Variants in ATM observed in about 807,000 individuals in gnomAD.
The protein encoded by ATM is ATM serine/threonine kinase, also known as serine-protein kinase ATM.
In ATM, 308 loss-of-function variants were observed where a neutral mutation model predicts 387.0. The ratio of observed to expected loss-of-function variants is 0.80; its 90% confidence interval spans 0.73 to 0.87. The LOEUF (loss-of-function observed/expected upper bound fraction) is 0.87, where lower values mean the gene tolerates loss of function less well. Ranked by LOEUF, ATM falls within the 40% of genes least tolerant of loss-of-function variation. The pLI is 0.00. For synonymous variants in ATM, 1,156 were observed against 1,187.3 expected (o/e 0.97, Z 0.54); for missense variants, 3,312 against 3,560.9 (o/e 0.93, Z 1.78).
chr11:108,317,976 A>G (rs1191533612), intron 43 of ATM, among the ~76,000 whole-genome samples: 1 of 152,140 alleles, frequency 6.6e-6, no homozygotes, highest in Non-Finnish European at 1.5e-5. Context: ...ACTTCCTGCT[A>G]CAAACATTTT....
In ATM at chr11:108,244,802, C is replaced by T. The variant is rs2079754211; in HGVS notation, c.677C>T (p.Ser226Phe). 4 of 1,613,404 alleles carry T rather than the reference C, an allele frequency of 2.5e-6. No homozygotes were observed. The South Asian group carries it at 4.4e-5, about 18-fold the overall frequency. Residue 226 changes from serine (S) to phenylalanine (F), a missense_variant, in exon 7 of 63, where the codon TCT becomes TTT. Coordinates refer to ENST00000675843, the MANE Select transcript of ATM (RefSeq NM_000051.4). Reference protein sequence around the residue: ...AIQCARQEKSSSGLNHILAAL... With the variant: ...AIQCARQEKSFSGLNHILAAL... ...TTTCTTCACAGACAAGAAAAGAGCT[C>T]TTCAGGTCTAAATCATATCTTAGCA...
At chr11:108,334,787 A>C (rs189079243) in intron 54 of ATM, among the ~76,000 whole-genome samples, 182 bp from the exon 55 acceptor site, 1 of 152,324 alleles carries the variant, frequency 6.6e-6, no homozygotes, top group African/African-American at 2.4e-5. Context: ...ATCTTTGATG[A>C]AACAGTAGTT....
intron 56 of ATM, among the ~76,000 whole-genome samples, chr11:108,338,207 C>T (rs548949252): frequency 2.6e-5 from 4 of 151,988 alleles, no homozygotes; most frequent in African/African-American, 9.6e-5. Context: ...AAAAATTAGC[C>T]AGGCGTGGTG....
intron 45 of ATM, among the ~76,000 whole-genome samples, chr11:108,324,828 C>G (rs1232200232): frequency 6.6e-6 from 1 of 152,142 alleles, no homozygotes; most frequent in African/African-American, 2.4e-5. Flanking sequence ...AAACCTTTGC[C>G]AGATGCCAGC....
chr11:108,251,227 T>G (rs1448103435), intron 10 of ATM, among the ~76,000 whole-genome samples, 155 bp downstream of exon 10: 3 of 152,250 alleles, frequency 2.0e-5, no homozygotes, highest in Non-Finnish European at 4.4e-5. Context: ...GAAGACTTAA[T>G]AAATGCATAA....
At chr11:108,358,495 A>T (rs1444395014) in intron 61 of ATM, among the ~76,000 whole-genome samples, 1 of 149,766 alleles carries the variant, frequency 6.7e-6, no homozygotes. Context: ...CATAATTGTC[A>T]GATTCACCAA....
chr11:108,305,327 G>A (rs1413167347), intron 37 of ATM, among the ~76,000 whole-genome samples: 1 of 152,110 alleles, frequency 6.6e-6, no homozygotes, highest in Non-Finnish European at 1.5e-5. Flanking sequence ...CGCCTGTAAT[G>A]CCAGCACTTT....
chr11:108,281,280 T>C, intron 24 of ATM, 112 bp downstream of exon 24: 1 of 1,133,642 alleles, frequency 8.8e-7, no homozygotes, highest in Non-Finnish European at 1.3e-6. Flanking sequence ...GGAAACAATT[T>C]TATTTTTTAG....
At position 108,325,554 on chromosome 11, in the gene ATM, A is replaced by G. The variant is rs924117395; in HGVS notation, c.6807+10A>G. On this transcript the variant is annotated intron_variant, in intron 46 of 62. Transcript: ENST00000675843. ...TTTCAAGAACACTCAGGTAAATACAATTTAAAACTATGTCATCTTACCTCT... is the reference window on the plus strand; with the variant it reads ...TTTCAAGAACACTCAGGTAAATACAGTTTAAAACTATGTCATCTTACCTCT... 5.7e-6 allele frequency: 9 copies of G among 1,574,588 alleles called. No individual in the cohort carries two copies. The highest frequency in any genetic ancestry group is 1.7e-5 in the Admixed American group (1 of 59,970).
At chr11:108,355,128 A>G (rs2089739597) in intron 61 of ATM, 1 of 493,044 alleles carries the variant, frequency 2.0e-6, no homozygotes, top group Non-Finnish European at 3.7e-6. Flanking sequence ...CAATTCATAA[A>G]TCAATTCTTT....
intron 39 of ATM, 113 bp from the exon 40 acceptor site, chr11:108,312,298 C>G: frequency 3.9e-6 from 3 of 777,978 alleles, no homozygotes; most frequent in Non-Finnish European, 6.8e-6. Context: ...GTGATTTATT[C>G]TGTTTTGTTT....
intron 61 of ATM, among the ~76,000 whole-genome samples, chr11:108,361,363 C>G (rs1166968217): frequency 6.6e-6 from 1 of 150,630 alleles, no homozygotes; most frequent in Non-Finnish European, 1.5e-5. Context: ...GTGAAAATGG[C>G]CATACTGCCC....
intron 28 of ATM, 33 bp downstream of exon 28, chr11:108,289,136 A>G: frequency 6.3e-7 from 1 of 1,580,298 alleles, no homozygotes; most frequent in Non-Finnish European, 8.6e-7. Flanking sequence ...ATAATAGAAC[A>G]TTCCTTCTTT....
chr11:108,329,499 C>T (rs532557540), intron 49 of ATM, among the ~76,000 whole-genome samples: 18 of 152,120 alleles, frequency 1.2e-4, no homozygotes, highest in Admixed American at 5.2e-4. Context: ...ACTGCAACCT[C>T]GACCTCCTGG....
In ATM at chr11:108,304,700, T is replaced by C. The variant is rs2083592141; in HGVS notation, c.5522T>C (p.Val1841Ala). The C allele has an allele frequency of 1.2e-6, 2 of 1,614,014 alleles. No individual in the cohort carries two copies. Among genetic ancestry groups the C allele is most frequent in the Non-Finnish European group, 1.7e-6 (2 of 1,179,944 alleles). ...CEVKTDFCQT[V>A]LPYLIHDILL... Reference sequence around the variant, plus strand: ...GTGAAAACTGACTTTTGTCAGACTGTACTTCCATACTTGATTCATGATATT... The same window carrying C: ...GTGAAAACTGACTTTTGTCAGACTGCACTTCCATACTTGATTCATGATATT... The change falls in exon 37 of 63, where the codon GTA (valine) becomes GCA (alanine). Residue 1841 changes from valine (V) to alanine (A), a missense_variant. Transcript: ENST00000675843.
chr11:108,274,867 G>C (rs1313503073), intron 22 of ATM, among the ~76,000 whole-genome samples: 1 of 152,218 alleles, frequency 6.6e-6, no homozygotes, highest in Admixed American at 6.5e-5. Flanking sequence ...GGAGAGTTCT[G>C]TAGATGTCTG....
At chr11:108,324,024 T>A (rs745422209) in intron 45 of ATM, among the ~76,000 whole-genome samples, 58 of 149,390 alleles carry the variant, frequency 3.9e-4, no homozygotes, top group Middle Eastern at 3.2e-3. Context: ...TTTCCATCTA[T>A]GGATTCAACC....
chr11:108,248,988 A>G lies in ATM; in HGVS notation c.1121A>G (p.Gln374Arg), dbSNP rs1555069640. 1 of 1,613,196 alleles carries G rather than the reference A, an allele frequency of 6.2e-7. No homozygotes were observed. The highest frequency in any genetic ancestry group is 8.5e-7 in the Non-Finnish European group (1 of 1,179,160). The change falls in exon 9 of 63, where the codon CAA (glutamine) becomes CGA (arginine). Residue 374 changes from glutamine (Q) to arginine (R), a missense_variant. Around this residue, in one of 4 missense-constraint regions of ATM, gnomAD observed 1,791 missense variants for 1,804.5 expected, o/e 0.99. Transcript: ENST00000675843. ...ATTTCTCAATCTTACACTACTACAC[A>G]AAGAGAATCTAGTGATTACAGTGTC... ...LEISQSYTTT[Q>R]RESSDYSVPC...
At position 108,265,170 on chromosome 11, in the gene ATM, G is replaced by A. The variant is rs963482697; in HGVS notation, c.2467-2001G>A. ...ATGGAACCAAAAAAGAGCCCGCATC[G>A]GCAAGTCAATCCTAAGCCAAAAGAA... On this transcript the variant is annotated intron_variant, in intron 16 of 62. Transcript: ENST00000675843. 8.9e-3 allele frequency among the ~76,000 whole-genome samples: 1,355 copies of A among 151,626 alleles called. 20 individuals are homozygous for A. Among genetic ancestry groups the A allele is most frequent in the African/African-American group, 0.031 (1,278 of 41,254 alleles).
Sources: allele counts gnomAD v4.1 joint callset (sites outside exome capture counted in the v4.1 genomes callset), GRCh38; gene constraint gnomAD v4.1.1; regional missense constraint gnomAD v4.1.1; transcripts MANE v1.5; gene names NCBI Gene and HGNC (gene_info 2026-07-23, HGNC 2026-07-21).